The following YAP1 variants were observed in gnomAD, a reference collection of about 807,000 sequenced individuals.
The protein encoded by YAP1 is Yes1 associated transcriptional regulator, also known as transcriptional coactivator YAP1.
YAP1 carries 5 observed loss-of-function variants against 56.9 expected under a neutral mutation model. The ratio of observed to expected loss-of-function variants is 0.09; its 90% CI spans 0.05 to 0.18. The LOEUF (loss-of-function observed/expected upper bound fraction) is 0.18. Ranked by LOEUF, YAP1 falls within the 10% of genes least tolerant of loss-of-function variation. YAP1 has a pLI of 1.00. For synonymous variants in YAP1, 265 were observed against 248.1 expected, an observed-to-expected ratio of 1.07 and a Z score of -0.64; for missense variants, 539 against 651.8, an observed-to-expected ratio of 0.83 and a Z score of 1.88.
rs1216238749 is a variant in YAP1 at position 102,110,647 on chromosome 11, AGCCGGGGCGCAGGGCGGGGGCGGAGGC to A, written c.-192_-166del. The A allele has an allele frequency of 6.7e-5, 20 of 296,926 alleles. No individual in the cohort carries two copies. Among genetic ancestry groups the A allele is most frequent in the Non-Finnish European group, 1.1e-4 (19 of 177,698 alleles). 18.4% of individuals were successfully genotyped at this position (296,926 alleles called of 1,614,324 possible). ...CGAGGCGCAGCCGCCAGACCAGTGG[AGCCGGGGCGCAGGGCGGGGGCGGAGGC>A]GCCGGGGCGGGGGATGCGGGGCCGC... On this transcript the variant is annotated 5_prime_UTR_variant, in exon 1 of 9. Coordinates refer to ENST00000282441, the MANE Select transcript of YAP1 (RefSeq NM_001130145.3).
chr11:102,164,213 G>C (rs1039440989), intron 3 of YAP1, among the ~76,000 whole-genome samples: 2 of 151,810 alleles, frequency 1.3e-5, no homozygotes, highest in African/African-American at 4.8e-5. Flanking sequence ...TTTTGTATTT[G>C]TAGTAGAGAC....
intron 3 of YAP1, among the ~76,000 whole-genome samples, chr11:102,180,484 C>T (rs1368948538): frequency 1.3e-5 from 2 of 150,530 alleles, no homozygotes; most frequent in Admixed American, 6.6e-5. Flanking sequence ...AGATCGAGAC[C>T]ATCCTGGCTA....
chr11:102,146,759 T>C lies in YAP1; in HGVS notation c.573-15697T>C, dbSNP rs144541148. 1.8e-3 allele frequency among the ~76,000 whole-genome samples: 280 copies of C among 152,338 alleles called. 1 individual carries two copies. Among genetic ancestry groups the C allele is most frequent in the African/African-American group, 6.4e-3 (265 of 41,576 alleles). ...TTTTGATTAAACAAGGTACTTCCAT[T>C]CTGGTGGAGAATTGAGATTCTGTGC... On this transcript the variant is annotated intron_variant, in intron 2 of 8. Coordinates refer to ENST00000282441, the MANE Select transcript of YAP1 (RefSeq NM_001130145.3).
At chr11:102,112,536 G>T in intron 1 of YAP1, 2 of 981,688 alleles carry the variant, frequency 2.0e-6, no homozygotes, top group Non-Finnish European at 1.2e-6. Flanking sequence ...TAGCCCACTC[G>T]GGATGTAACT....
chr11:102,218,230 G>A (rs1218447929), intron 6 of YAP1, among the ~76,000 whole-genome samples: 1 of 152,028 alleles, frequency 6.6e-6, no homozygotes, highest in Non-Finnish European at 1.5e-5. Flanking sequence ...TGTATCATTG[G>A]CCTTGTTACA....
intron 2 of YAP1, among the ~76,000 whole-genome samples, chr11:102,123,953 T>C (rs1943867900): frequency 1.3e-5 from 2 of 150,442 alleles, no homozygotes; most frequent in Admixed American, 1.3e-4. Flanking sequence ...CTTTTTTTTT[T>C]GTTTTTTTGT....
intron 3 of YAP1, among the ~76,000 whole-genome samples, chr11:102,178,545 T>C (rs902036221): frequency 3.9e-5 from 6 of 152,226 alleles, no homozygotes; most frequent in African/African-American, 1.4e-4. Context: ...TGTTATGACA[T>C]GGAGTATTTC....
At chr11:102,123,490 A>G (rs916092958) in intron 2 of YAP1, among the ~76,000 whole-genome samples, 7 of 152,132 alleles carry the variant, frequency 4.6e-5, no homozygotes, top group Admixed American at 1.3e-4. Context: ...TTGCAGAAGA[A>G]AGGGGTACAT....
intron 2 of YAP1, among the ~76,000 whole-genome samples, chr11:102,142,571 T>C (rs1365635657): frequency 1.3e-5 from 2 of 152,264 alleles, no homozygotes; most frequent in Admixed American, 1.3e-4. Context: ...AGCCATGGCA[T>C]AGCCAGACAC....
Position 102,111,184 on chromosome 11 carries a change from C to T in YAP1, c.321+15C>T. 2 of 1,610,604 alleles carry T rather than the reference C, an allele frequency of 1.2e-6. No homozygotes were observed. Among genetic ancestry groups the T allele is most frequent in the Non-Finnish European group, 1.7e-6 (2 of 1,178,342 alleles). On this transcript the variant is annotated intron_variant, in intron 1 of 8. Coordinates refer to ENST00000282441, the MANE Select transcript of YAP1 (RefSeq NM_001130145.3). Reference sequence around the variant, plus strand: ...ACTCCCGACAGGTAACCTCGTTGCCCCTCTCCCCGTTTCCCCGTCGGGCGG... The same window carrying T: ...ACTCCCGACAGGTAACCTCGTTGCCTCTCTCCCCGTTTCCCCGTCGGGCGG...
At chr11:102,126,728 C>G (rs1944057625) in intron 2 of YAP1, among the ~76,000 whole-genome samples, 1 of 152,182 alleles carries the variant, frequency 6.6e-6, no homozygotes, top group African/African-American at 2.4e-5. Context: ...GACTTTGGAA[C>G]TGGGTAACAG....
At chr11:102,172,905 G>A (rs764475953) in intron 3 of YAP1, among the ~76,000 whole-genome samples, 5 of 152,122 alleles carry the variant, frequency 3.3e-5, no homozygotes, top group African/African-American at 7.2e-5. Context: ...ACAACAGCCC[G>A]TTCAGAGGCC....
intron 4 of YAP1, among the ~76,000 whole-genome samples, chr11:102,201,257 T>C (rs1390046237): frequency 6.6e-6 from 1 of 152,170 alleles, no homozygotes; most frequent in African/African-American, 2.4e-5. Flanking sequence ...TCAGGATATA[T>C]TGTTACAAAG....
intron 2 of YAP1, among the ~76,000 whole-genome samples, chr11:102,158,717 C>T (rs767721243): frequency 1.3e-5 from 2 of 152,204 alleles, no homozygotes; most frequent in Non-Finnish European, 2.9e-5. Context: ...TGAGCACTAA[C>T]CTCCTACTAG....
chr11:102,222,366 A>G (rs1405024082), intron 6 of YAP1, among the ~76,000 whole-genome samples: 1 of 152,226 alleles, frequency 6.6e-6, no homozygotes, highest in Non-Finnish European at 1.5e-5. Flanking sequence ...GCACAGTGAA[A>G]ATTCTTAGGA....
intron 5 of YAP1, among the ~76,000 whole-genome samples, chr11:102,208,826 T>A (rs930948701): frequency 6.6e-6 from 1 of 152,216 alleles, no homozygotes; most frequent in Non-Finnish European, 1.5e-5. Flanking sequence ...TTAAGATAAT[T>A]TGTAAAGTCT....
At chr11:102,162,607 A>G in intron 3 of YAP1, 36 bp downstream of exon 3, 1 of 1,581,682 alleles carries the variant, frequency 6.3e-7, no homozygotes, top group East Asian at 2.2e-5. Flanking sequence ...ACATGGAGTA[A>G]TGCTTACGCA....
rs1950478916 is a variant in YAP1 at position 102,232,935 on chromosome 11, A to C, written c.*2995A>C. The stretch of plus-strand genomic sequence containing the variant: ...TGCTACAAATAATGTTGCTGTGTTA[A>C]GTATTCATATTAAATACATGCCTTC... On this transcript the variant is annotated 3_prime_UTR_variant, in exon 9 of 9. Transcript: ENST00000282441. 1 of 152,320 alleles carries C rather than the reference A, an allele frequency of 6.6e-6. No individual in the cohort carries two copies. Among genetic ancestry groups the C allele is most frequent in the Non-Finnish European group, 1.5e-5 (1 of 68,042 alleles). 9.4% of individuals were successfully genotyped at this position (152,320 alleles called of 1,614,324 possible).
At chr11:102,186,153 T>C in intron 4 of YAP1, 22 bp downstream of exon 4, 1 of 1,603,302 alleles carries the variant, frequency 6.2e-7, no homozygotes, top group South Asian at 1.1e-5. Context: ...TCTCAAAACC[T>C]TTTTAGATGC....
Sources: allele counts gnomAD v4.1 joint callset (sites outside exome capture counted in the v4.1 genomes callset), GRCh38; gene constraint gnomAD v4.1.1; transcripts MANE v1.5; gene names NCBI Gene and HGNC (gene_info 2026-07-23, HGNC 2026-07-21).